GAB1: variants seen among roughly 807,000 people sequenced by gnomAD.
The protein encoded by GAB1 is GRB2 associated binding protein 1, also known as GRB2-associated-binding protein 1.
Under a neutral mutation model 66.5 loss-of-function variants are expected in GAB1, and 19 were observed. The ratio of observed to expected loss-of-function variants is 0.29; its 90% confidence interval spans 0.20 to 0.42. The LOEUF is 0.42. Among genes scored for constraint, GAB1 ranks in the 10% least tolerant of loss-of-function variants. GAB1 has a pLI of 1.00. For missense variants in GAB1, 732 were observed against 858.5 expected (o/e 0.85, Z 1.84); for synonymous variants, 294 against 301.4 (o/e 0.98, Z 0.25).
At chr4:143,377,215 G>C (rs1730459254) in intron 1 of GAB1, among the ~76,000 whole-genome samples, 1 of 151,874 alleles carries the variant, frequency 6.6e-6, no homozygotes, top group Non-Finnish European at 1.5e-5. Flanking sequence ...AATAAGCCAA[G>C]TACTATAAAA....
chr4:143,434,596 T>C (rs912821606), intron 3 of GAB1, among the ~76,000 whole-genome samples: 6 of 152,078 alleles, frequency 3.9e-5, no homozygotes, highest in Admixed American at 1.3e-4. Flanking sequence ...CCTCAAACAG[T>C]TCTCTCACCT....
intron 6 of GAB1, among the ~76,000 whole-genome samples, chr4:143,455,339 G>C (rs1735127374): frequency 6.6e-6 from 1 of 152,188 alleles, no homozygotes; most frequent in Non-Finnish European, 1.5e-5. Flanking sequence ...AACCTGTCAG[G>C]CAGTTGGAAG....
At position 143,337,180 on chromosome 4, in the gene GAB1, G is replaced by C; in HGVS notation, c.-9G>C. 1 of 1,572,092 alleles carries C rather than the reference G, an allele frequency of 6.4e-7. No individual in the cohort carries two copies. Among genetic ancestry groups the C allele is most frequent in the Non-Finnish European group, 8.6e-7 (1 of 1,158,300 alleles). On this transcript the variant is annotated 5_prime_UTR_variant, in exon 1 of 10. Transcript: ENST00000262994. ...AGCTGCCCGGCCCGGAGCCCGAGAC[G>C]CGCGCACCATGAGCGGTGGTGAAGT...
intron 2 of GAB1, among the ~76,000 whole-genome samples, chr4:143,428,977 CCTAGAA>C (rs1228048402): frequency 8.6e-5 from 13 of 151,876 alleles, no homozygotes; most frequent in African/African-American, 2.9e-4. Context: ...GCACATGTAC[CCTAGAA>C]CTTAAAGTAT....
At chr4:143,366,711 C>T (rs1254651770) in intron 1 of GAB1, among the ~76,000 whole-genome samples, 6 of 152,038 alleles carry the variant, frequency 3.9e-5, no homozygotes, top group Admixed American at 3.9e-4. Flanking sequence ...ACACTTTATC[C>T]AAAATGGACT....
chr4:143,457,807 G>A, intron 6 of GAB1: 1 of 1,036,228 alleles, frequency 9.7e-7, no homozygotes, highest in South Asian at 1.5e-5. Context: ...TGGGGCATTG[G>A]GAATTTATTT....
At chr4:143,365,825 G>A (rs1002578079) in intron 1 of GAB1, among the ~76,000 whole-genome samples, 12 of 152,172 alleles carry the variant, frequency 7.9e-5, no homozygotes, top group Non-Finnish European at 1.3e-4. Context: ...CAGACTTTTG[G>A]ATTAAAACTT....
intron 9 of GAB1, 113 bp from the exon 10 acceptor site, chr4:143,468,918 C>T: frequency 8.7e-7 from 1 of 1,146,562 alleles, no homozygotes; most frequent in African/African-American, 1.6e-5. Flanking sequence ...AGCAAAACTC[C>T]TTCTCAAAAA....
At chr4:143,369,466 T>C (rs920352518) in intron 1 of GAB1, among the ~76,000 whole-genome samples, 4 of 152,234 alleles carry the variant, frequency 2.6e-5, no homozygotes, top group South Asian at 2.1e-4. Flanking sequence ...ACACTTGATA[T>C]ACTTTTTATA....
intron 1 of GAB1, among the ~76,000 whole-genome samples, chr4:143,398,261 T>C (rs1456376972): frequency 6.6e-6 from 1 of 152,238 alleles, no homozygotes; most frequent in African/African-American, 2.4e-5. Context: ...ATGAAGGGTG[T>C]TAAAATGGTA....
intron 3 of GAB1, among the ~76,000 whole-genome samples, chr4:143,435,469 G>A (rs1033252443): frequency 6.6e-5 from 10 of 152,128 alleles, no homozygotes; most frequent in Admixed American, 4.6e-4. Context: ...ACAGCCAAGC[G>A]ACAGTTCTCA....
intron 6 of GAB1, among the ~76,000 whole-genome samples, chr4:143,451,899 TA>T (rs11316624): frequency 0.35 from 51,570 of 148,640 alleles, 9,104 homozygotes; most frequent in African/African-American, 0.44. Context: ...AGTGCTCATT[TA>T]AAAAAAAAAA....
intron 2 of GAB1, among the ~76,000 whole-genome samples, chr4:143,430,552 A>G (rs115665125): frequency 0.015 from 2,354 of 152,278 alleles, 29 homozygotes; most frequent in Middle Eastern, 0.048. Flanking sequence ...TTGAAACTGA[A>G]GTTTGATTTT....
chr4:143,365,390 A>T (rs1221007157), intron 1 of GAB1, among the ~76,000 whole-genome samples: 1 of 152,206 alleles, frequency 6.6e-6, no homozygotes, highest in East Asian at 1.9e-4. Context: ...ATCCAGAAGG[A>T]TAAAAGCCAT....
chr4:143,361,152 AC>A (rs1729649367), intron 1 of GAB1, among the ~76,000 whole-genome samples: 1 of 152,044 alleles, frequency 6.6e-6, no homozygotes, highest in African/African-American at 2.4e-5. Context: ...CTTTTGCAAT[AC>A]GCAACCTTCA....
chr4:143,458,146 T>G (rs1196814314), intron 6 of GAB1, among the ~76,000 whole-genome samples: 1 of 152,166 alleles, frequency 6.6e-6, no homozygotes, highest in Non-Finnish European at 1.5e-5. Context: ...ATGGATTAAT[T>G]GTGCCATTAT....
chr4:143,425,877 G>T, intron 2 of GAB1: 12 of 1,418,808 alleles, frequency 8.5e-6, no homozygotes, highest in Non-Finnish European at 1.2e-5. Flanking sequence ...CTGGTCTGCA[G>T]CTCCCACTGC....
At chr4:143,414,121 GC>G (rs1341223834) in intron 1 of GAB1, among the ~76,000 whole-genome samples, 1 of 152,008 alleles carries the variant, frequency 6.6e-6, no homozygotes, top group Non-Finnish European at 1.5e-5. Flanking sequence ...CTGCACCCAG[GC>G]CCAGAGTGTC....
rs1329666661 is a variant in GAB1 at position 143,433,500 on chromosome 4, A to C, written c.377A>C (p.Lys126Thr). 1.9e-6 allele frequency: 3 copies of C among 1,613,588 alleles called. No individual in the cohort carries two copies. The highest frequency in any genetic ancestry group is 2.7e-5 in the African/African-American group (2 of 74,884). Reference sequence around the variant, plus strand: ...AACTTTGGTGTTGCAGATCCTGTGAAGCCACCTGGCAGCTCTTTACAAGCA... The same window carrying C: ...AACTTTGGTGTTGCAGATCCTGTGACGCCACCTGGCAGCTCTTTACAAGCA... ...GFNPTEEDPV[K>T]PPGSSLQAPA... Residue 126 changes from lysine (K) to threonine (T), a missense_variant, in exon 3 of 10, where the codon AAG becomes ACG. This residue lies in a region of GAB1 where 66 missense variants were observed against 130.3 expected (regional missense o/e 0.51). Coordinates refer to ENST00000262994, the MANE Select transcript of GAB1 (RefSeq NM_002039.4).
Sources: gnomAD v4.1 joint callset for allele counts (sites outside exome capture counted in the v4.1 genomes callset) on GRCh38, gnomAD v4.1.1 for gene constraint, gnomAD v4.1.1 regional missense constraint, MANE v1.5 for transcripts, NCBI Gene and HGNC (gene_info 2026-07-23, HGNC 2026-07-21) for gene names.